STARD8: variants seen among roughly 807,000 people sequenced by gnomAD.
The protein encoded by STARD8 is stAR-related lipid transfer protein 8.
A neutral mutation model predicts 69.4 loss-of-function variants in STARD8; 25 were observed. The ratio of observed to expected loss-of-function variants is 0.36; its 90% CI spans 0.26 to 0.50. The LOEUF is 0.50. Ranked by LOEUF, STARD8 falls within the 20% of genes least tolerant of loss-of-function variation. The pLI, the probability that STARD8 is intolerant of heterozygous loss-of-function variation, is 0.96. For synonymous variants in STARD8, 389 were observed against 374.6 expected, an observed-to-expected ratio of 1.04 and a Z score of -0.45; for missense variants, 921 against 932.5, an observed-to-expected ratio of 0.99 and a Z score of 0.16.
chrX:68,723,750 A>T lies in STARD8; in HGVS notation c.2924A>T (p.Gln975Leu). 1 of 1,183,211 alleles carries T rather than the reference A, an allele frequency of 8.5e-7. No homozygotes were observed. The highest frequency in any genetic ancestry group is 1.1e-6 in the Non-Finnish European group (1 of 880,969). Residue 975 changes from glutamine to leucine, a missense_variant, in exon 13 of 15, where the codon CAG becomes CTG. By Grantham distance (113) the Gln-to-Leu change is moderately radical (BLOSUM62 -2). Coordinates refer to ENST00000374599, the MANE Select transcript of STARD8 (RefSeq NM_001142503.3). ...TGGGATGAGGATCTGCTGCGGGCCC[A>T]GGTGCTGGAAGCCCTGATGCCGGGT... ...ALWDEDLLRA[Q>L]VLEALMPGVE... is the part of the protein sequence containing the mutation.
In STARD8 at chrX:68,722,512, G is replaced by A. The variant is rs1172449247; in HGVS notation, c.2665G>A (p.Ala889Thr). Residue 889 changes from alanine to threonine, a missense_variant, in exon 12 of 15, where the codon GCC (alanine) becomes ACC (threonine). Transcript: ENST00000374599. ...PGPALAELRQ[A>T]QAAGVSLSLY... ...CCCAGCCCTGGCTGAGCTGCGTCAG[G>A]CCCAAGCTGCAGGGGTAAGCCTGAG... is the stretch of plus-strand genomic sequence containing the variant. 1 of 1,210,221 alleles carries A rather than the reference G, an allele frequency of 8.3e-7. No individual in the cohort carries two copies. Among genetic ancestry groups the A allele is most frequent in the Non-Finnish European group, 1.1e-6 (1 of 895,282 alleles).
At chrX:68,709,885 G>A (rs2147924199) in intron 2 of STARD8, among the ~76,000 whole-genome samples, 1 of 111,596 alleles carries the variant, frequency 9.0e-6, no homozygotes, top group Non-Finnish European at 1.9e-5. Flanking sequence ...AGATGTGGAT[G>A]CCATGGCTCC....
At chrX:68,652,014 A>ATTTT (rs376303482) in intron 1 of STARD8, among the ~76,000 whole-genome samples, 1 of 97,875 alleles carries the variant, frequency 1.0e-5, no homozygotes, top group African/African-American at 3.7e-5. Context: ...CGCCCAGCTA[A>ATTTT]TTTTTTTTTT....
intron 2 of STARD8, among the ~76,000 whole-genome samples, chrX:68,665,741 C>T (rs1482514958): frequency 8.9e-6 from 1 of 112,201 alleles, no homozygotes; most frequent in Non-Finnish European, 1.9e-5. Flanking sequence ...CTCTTTATTT[C>T]TCAGCCGGAG....
intron 2 of STARD8, among the ~76,000 whole-genome samples, chrX:68,667,051 A>T (rs1413553822): frequency 8.9e-6 from 1 of 112,322 alleles, no homozygotes; most frequent in Non-Finnish European, 1.9e-5. Flanking sequence ...AGCCAGGACT[A>T]TCTTTTACTG....
intron 1 of STARD8, among the ~76,000 whole-genome samples, chrX:68,655,179 C>G (rs183572276): frequency 8.9e-6 from 1 of 111,887 alleles, no homozygotes; most frequent in Admixed American, 9.5e-5. Flanking sequence ...TGGAGCTCAC[C>G]GCTTCCTCAG....
chrX:68,659,687 C>T (rs1415933109), intron 1 of STARD8, among the ~76,000 whole-genome samples: 2 of 111,659 alleles, frequency 1.8e-5, no homozygotes, highest in Non-Finnish European at 3.8e-5. Context: ...TCCAGAGAAC[C>T]CCTGGGGGTT....
intron 2 of STARD8, among the ~76,000 whole-genome samples, chrX:68,669,933 A>G (rs1161798042): frequency 1.8e-5 from 2 of 112,853 alleles, no homozygotes; most frequent in Non-Finnish European, 3.7e-5. Context: ...TCTTTTGAAA[A>G]TGACCAAATC....
chrX:68,713,644 G>T (rs370848841), intron 3 of STARD8, among the ~76,000 whole-genome samples: 9 of 111,606 alleles, frequency 8.1e-5, no homozygotes, highest in Non-Finnish European at 1.5e-4. Flanking sequence ...TCTCTGGCTG[G>T]GTTCTGTCTC....
intron 7 of STARD8, among the ~76,000 whole-genome samples, chrX:68,719,763 C>T (rs916507598): frequency 3.6e-5 from 4 of 112,201 alleles, no homozygotes; most frequent in African/African-American, 3.2e-5. Flanking sequence ...TTTAGCCTAC[C>T]GCTCCTAAGC....
chrX:68,674,929 C>T (rs1403275797), intron 2 of STARD8, among the ~76,000 whole-genome samples: 6 of 105,836 alleles, frequency 5.7e-5, no homozygotes, highest in Admixed American at 1.0e-4. Flanking sequence ...ATTACAGGCA[C>T]GCACCACCAT....
At chrX:68,658,355 C>T (rs2079623471) in intron 1 of STARD8, among the ~76,000 whole-genome samples, 1 of 111,968 alleles carries the variant, frequency 8.9e-6, no homozygotes, top group Non-Finnish European at 1.9e-5. Flanking sequence ...GATTTTTAAC[C>T]CAGGTAATCT....
intron 2 of STARD8, among the ~76,000 whole-genome samples, chrX:68,683,158 A>G (rs1182886671): frequency 8.9e-6 from 1 of 111,945 alleles, no homozygotes; most frequent in African/African-American, 3.3e-5. Context: ...TAATTGGAAT[A>G]AGGCCTGCTT....
At chrX:68,721,433 C>A in intron 9 of STARD8, 103 bp from the exon 10 acceptor site, 1 of 887,383 alleles carries the variant, frequency 1.1e-6, no homozygotes, top group Non-Finnish European at 1.6e-6. Context: ...TCTCACCGCT[C>A]CCCTTGGGAC....
intron 2 of STARD8, among the ~76,000 whole-genome samples, chrX:68,666,388 A>C (rs939871465): frequency 1.8e-5 from 2 of 112,217 alleles, no homozygotes; most frequent in Non-Finnish European, 3.8e-5. Context: ...TCTAGGAGAC[A>C]GTTAGGATTG....
At chrX:68,705,247 G>A (rs946287250) in intron 2 of STARD8, among the ~76,000 whole-genome samples, 1 of 112,132 alleles carries the variant, frequency 8.9e-6, no homozygotes, top group Non-Finnish European at 1.9e-5. Flanking sequence ...AGGCAGGAAT[G>A]TTAGCTGTCT....
intron 2 of STARD8, among the ~76,000 whole-genome samples, chrX:68,697,496 C>T (rs751705649): frequency 2.7e-5 from 3 of 112,447 alleles, no homozygotes; most frequent in African/African-American, 9.7e-5. Context: ...CTTGCTTCCC[C>T]AGTCCAGGGC....
chrX:68,653,767 T>C (rs1186932936), intron 1 of STARD8, among the ~76,000 whole-genome samples: 1 of 81,768 alleles, frequency 1.2e-5, no homozygotes, highest in African/African-American at 4.7e-5. Context: ...ACCCCACACA[T>C]CACACATACC....
At position 68,721,696 on chromosome X, in the gene STARD8, G is replaced by A. The variant is rs767928117; in HGVS notation, c.2409G>A (p.Ala803=). The A allele has an allele frequency of 8.8e-5, 107 of 1,210,712 alleles. No individual in the cohort carries two copies. The South Asian group carries it at 1.5e-3, about 17-fold the overall frequency. ...CAGGCAACCTGGCAGTGTGCCTGGC[G>A]CCCTCCATCTTCCACCTCAATGTCT... The part of the protein sequence containing the change: ...MTAGNLAVCL[A]PSIFHLNVSK... Residue 803 remains alanine (A), a synonymous_variant, in exon 10 of 15, where the codon GCG becomes GCA. Transcript: ENST00000374599.
Sources: allele counts gnomAD v4.1 joint callset (sites outside exome capture counted in the v4.1 genomes callset), GRCh38; gene constraint gnomAD v4.1.1; transcripts MANE v1.5; gene names NCBI Gene and HGNC (gene_info 2026-07-23, HGNC 2026-07-21).